Variants in PMPCB observed in about 807,000 individuals in gnomAD.
PMPCB encodes the protein mitochondrial-processing peptidase subunit beta.
In PMPCB, 46 loss-of-function variants were observed where a neutral mutation model predicts 61.5. The observed-to-expected ratio is 0.75, with a 90% CI of 0.59 to 0.96. The LOEUF is 0.96. PMPCB is among the 40% of genes least tolerant of loss of function. The probability of loss-of-function intolerance (pLI) is 0.00; values close to 1 mark genes in which losing one functional copy is unlikely to be tolerated. For missense variants in PMPCB, 590 were observed against 602.4 expected (o/e 0.98, Z 0.22); for synonymous variants, 191 against 201.6 (o/e 0.95, Z 0.44).
chr7:103,313,098 G>A lies in PMPCB; in HGVS notation c.*827G>A. 6.3e-7 allele frequency: 1 copy of A among 1,597,954 alleles called. No homozygotes were observed. On this transcript the variant is annotated 3_prime_UTR_variant, in exon 13 of 13. Coordinates refer to ENST00000249269, the MANE Select transcript of PMPCB (RefSeq NM_004279.3). ...TGTCCAAGGGGTGAAGTCTGTATAT[G>A]GACCTGATTAAGAAAAATTTTTATT...
chr7:103,344,761 G>C, the PMPCB span: 1 of 810,408 alleles, frequency 1.2e-6, no homozygotes. Context: ...GCATGGAGAC[G>C]ACCAGTAAGC....
downstream of PMPCB, among the ~76,000 whole-genome samples, chr7:103,331,490 A>G (rs540651310): frequency 2.0e-5 from 3 of 151,912 alleles, no homozygotes; most frequent in Middle Eastern, 3.4e-3. Flanking sequence ...CCATTGACCA[A>G]CCTCTCTTTA....
chr7:103,345,005 T>G, the PMPCB span: 2 of 404,840 alleles, frequency 4.9e-6, no homozygotes, highest in African/African-American at 4.1e-5. Context: ...TATCTTTAAG[T>G]TCTTACTGCT....
chr7:103,307,498 ATAGT>A (rs1436261199), intron 6 of PMPCB, 94 bp from the exon 7 acceptor site: 2 of 698,904 alleles, frequency 2.9e-6, no homozygotes, highest in South Asian at 1.7e-5. Context: ...GTGAGTGTAG[ATAGT>A]TCATGTGTAA....
intron 12 of PMPCB, among the ~76,000 whole-genome samples, chr7:103,325,757 AAAAC>A (rs1818670827): frequency 6.6e-6 from 1 of 152,268 alleles, no homozygotes; most frequent in Admixed American, 6.5e-5. Context: ...TAACTATTTT[AAAAC>A]AAACTTTAAT....
rs1586049726 is a variant in PMPCB, at chr7:103,310,393, A to G, written c.1072A>G (p.Thr358Ala). 1.9e-6 allele frequency: 3 copies of G among 1,612,668 alleles called. No individual in the cohort carries two copies. The highest frequency in any genetic ancestry group is 4.5e-5 in the East Asian group (2 of 44,848). The change falls in exon 9 of 13, where the codon ACA (threonine) becomes GCA (alanine). Residue 358 changes from threonine to alanine, a missense_variant. Thr to Ala is a moderately conservative substitution (Grantham distance 58). Coordinates refer to ENST00000249269, the MANE Select transcript of PMPCB (RefSeq NM_004279.3). ...CTTTCAGTCTTTCAACACTTCCTAC[A>G]CAGATACAGGATTATGGGGACTGTA... ...HSFQSFNTSYTDTGLWGLYMV... is the reference protein window; with the variant it reads ...HSFQSFNTSYADTGLWGLYMV...
At chr7:103,316,169 T>C (rs1342326133), downstream of PMPCB, 8 of 840,256 alleles carry the variant, frequency 9.5e-6, no homozygotes, top group Admixed American at 2.9e-5. Flanking sequence ...AGATTTTTAC[T>C]GCAGAAAGGT....
chr7:103,330,112 G>T (rs183663586), downstream of PMPCB, among the ~76,000 whole-genome samples: 42 of 152,270 alleles, frequency 2.8e-4, no homozygotes, highest in African/African-American at 8.2e-4. Flanking sequence ...CGGAATGGGT[G>T]TTAAACTGTA....
chr7:103,342,890 G>A, the PMPCB span, among the ~76,000 whole-genome samples: 1 of 152,158 alleles, frequency 6.6e-6, no homozygotes, highest in Non-Finnish European at 1.5e-5. Context: ...TTACAGGCGT[G>A]AGCCACCGCG....
downstream of PMPCB, among the ~76,000 whole-genome samples, chr7:103,329,865 A>G (rs1818893743): frequency 6.6e-6 from 1 of 152,170 alleles, no homozygotes; most frequent in African/African-American, 2.4e-5. Context: ...CAGATCCTAT[A>G]TTATCTACAA....
downstream of PMPCB, chr7:103,316,860 A>T: frequency 6.2e-7 from 1 of 1,613,970 alleles, no homozygotes. Context: ...GAACAGATTC[A>T]CAGCTTTAAT....
At chr7:103,333,245 C>G (rs1428057987), downstream of PMPCB, among the ~76,000 whole-genome samples, 4 of 152,154 alleles carry the variant, frequency 2.6e-5, no homozygotes, top group Non-Finnish European at 5.9e-5. Context: ...TTGTGCTATT[C>G]TTTTAAACCT....
intron 12 of PMPCB, chr7:103,322,381 T>C: frequency 1.0e-6 from 1 of 988,324 alleles, no homozygotes; most frequent in Non-Finnish European, 1.4e-6. Context: ...CTGGTCATGA[T>C]TCATTCACAG....
At chr7:103,333,457 A>G (rs182462274), downstream of PMPCB, among the ~76,000 whole-genome samples, 521 of 152,310 alleles carry the variant, frequency 3.4e-3, 1 homozygote, top group Non-Finnish European at 6.2e-3. Context: ...TTAATTTCCA[A>G]GTGACTGGTA....
downstream of PMPCB, among the ~76,000 whole-genome samples, chr7:103,315,447 T>C (rs1224581841): frequency 6.6e-6 from 1 of 152,134 alleles, no homozygotes; most frequent in East Asian, 1.9e-4. Flanking sequence ...TACAGTACAT[T>C]TCTCAAAATC....
chr7:103,321,450 G>A (rs893846788), intron 12 of PMPCB, among the ~76,000 whole-genome samples: 11 of 151,852 alleles, frequency 7.2e-5, no homozygotes, highest in Admixed American at 2.0e-4. Context: ...CCCAGGAGGC[G>A]GGGGTTGCAG....
At chr7:103,322,633 C>CT (rs1350058069) in intron 12 of PMPCB, 1 of 1,612,896 alleles carries the variant, frequency 6.2e-7, no homozygotes, top group African/African-American at 1.3e-5. Flanking sequence ...TATGCATTGT[C>CT]TAGCAAAAGA....
At chr7:103,317,146 C>T, downstream of PMPCB, 1 of 780,222 alleles carries the variant, frequency 1.3e-6, no homozygotes, top group Non-Finnish European at 2.0e-6. Context: ...CCTCTCAGGC[C>T]AACCCAAAAA....
At chr7:103,347,541 C>T in the PMPCB span, 1 of 653,212 alleles carries the variant, frequency 1.5e-6, no homozygotes, top group East Asian at 2.9e-5. Context: ...GTCCAAAAAC[C>T]AGCGTGCCAA....
Sources: allele counts gnomAD v4.1 joint callset (sites outside exome capture counted in the v4.1 genomes callset), GRCh38; gene constraint gnomAD v4.1.1; transcripts MANE v1.5; gene names NCBI Gene and HGNC (gene_info 2026-07-23, HGNC 2026-07-21).